CPNE8: variants seen among roughly 807,000 people sequenced by gnomAD.
CPNE8 encodes copine-8.
Under a neutral mutation model 81.5 loss-of-function variants are expected in CPNE8, and 45 were observed. The ratio of observed to expected loss-of-function variants is 0.55; its 90% CI spans 0.44 to 0.71. The LOEUF is 0.71. Ranked by LOEUF, CPNE8 falls within the 30% of genes least tolerant of loss-of-function variation. The pLI is 0.00. For missense variants in CPNE8, 594 were observed against 672.1 expected (o/e 0.88, Z 1.28); for synonymous variants, 252 against 226.3 (o/e 1.11, Z -1.02).
At chr12:38,828,985 A>C (rs1408097767) in intron 6 of CPNE8, among the ~76,000 whole-genome samples, 1 of 152,192 alleles carries the variant, frequency 6.6e-6, no homozygotes, top group Non-Finnish European at 1.5e-5. Context: ...CATGGTAAAA[A>C]TTATTATGAA....
At chr12:38,728,657 G>C (rs554100962) in intron 11 of CPNE8, among the ~76,000 whole-genome samples, 1 of 152,212 alleles carries the variant, frequency 6.6e-6, no homozygotes, top group East Asian at 1.9e-4. Flanking sequence ...TAGAATGGTA[G>C]TACCAAAAAG....
intron 5 of CPNE8, among the ~76,000 whole-genome samples, chr12:38,829,999 G>A (rs1030588620): frequency 1.3e-5 from 2 of 152,136 alleles, no homozygotes; most frequent in Non-Finnish European, 2.9e-5. Context: ...TAATGTATTA[G>A]TACCTCCTCA....
intron 6 of CPNE8, among the ~76,000 whole-genome samples, chr12:38,785,979 GGAA>G (rs1457606824): frequency 1.3e-5 from 2 of 151,328 alleles, no homozygotes; most frequent in East Asian, 1.9e-4. Flanking sequence ...TTCAACAAAT[GGAA>G]GAAGGAAGGA....
chr12:38,870,948 T>C (rs1943983790), intron 3 of CPNE8, among the ~76,000 whole-genome samples: 1 of 152,258 alleles, frequency 6.6e-6, no homozygotes, highest in East Asian at 1.9e-4. Context: ...ACATAAGGAT[T>C]ATAATATAAC....
intron 13 of CPNE8, among the ~76,000 whole-genome samples, chr12:38,703,229 T>G (rs1046114101): frequency 3.3e-5 from 5 of 152,178 alleles, no homozygotes; most frequent in Non-Finnish European, 5.9e-5. Context: ...TGCAAATAAT[T>G]ATTTTCCAGC....
rs556259050 is a variant in CPNE8 at position 38,879,635 on chromosome 12, G to A, written c.99-5124C>T. Among the ~76,000 whole-genome samples, 9 of 152,144 alleles carry A rather than the reference G, an allele frequency of 5.9e-5. No homozygotes were observed. The South Asian group carries it at 1.7e-3, about 28-fold the overall frequency. ...GCTACTCACTCTTTCCTGCTCAGCAGATAAAATCACCTAATAAATATTCTT... is the reference window on the plus strand; with the variant it reads ...GCTACTCACTCTTTCCTGCTCAGCAAATAAAATCACCTAATAAATATTCTT... On this transcript the variant is annotated intron_variant, in intron 1 of 19. Transcript: ENST00000331366.
chr12:38,884,778 G>GT (rs1039786520), intron 1 of CPNE8, among the ~76,000 whole-genome samples: 2 of 151,948 alleles, frequency 1.3e-5, no homozygotes, highest in African/African-American at 4.8e-5. Context: ...TATCAGTTTG[G>GT]TTTTTTTAAG....
At chr12:38,885,636 CT>C (rs896289642) in intron 1 of CPNE8, among the ~76,000 whole-genome samples, 75 of 149,446 alleles carry the variant, frequency 5.0e-4, no homozygotes, top group African/African-American at 1.6e-3. Context: ...CTATTTCAAT[CT>C]TTTTTTTTTA....
chr12:38,699,760 T>TTA (rs1426492786), intron 14 of CPNE8, among the ~76,000 whole-genome samples: 1 of 152,162 alleles, frequency 6.6e-6, no homozygotes, highest in Non-Finnish European at 1.5e-5. Context: ...TAAATCTGTA[T>TTA]TATATATATT....
intron 1 of CPNE8, among the ~76,000 whole-genome samples, chr12:38,882,296 G>C (rs1944171455): frequency 6.6e-6 from 1 of 152,150 alleles, no homozygotes; most frequent in East Asian, 1.9e-4. Context: ...TGGCCTTGAA[G>C]ATTAGAGTGA....
intron 17 of CPNE8, chr12:38,676,196 G>C (rs934165411): frequency 1.7e-6 from 1 of 585,474 alleles, no homozygotes; most frequent in African/African-American, 2.0e-5. Context: ...TTTTTTCACA[G>C]ATGTTCATTA....
chr12:38,793,787 T>C (rs1232795363), intron 6 of CPNE8, among the ~76,000 whole-genome samples: 2 of 151,990 alleles, frequency 1.3e-5, no homozygotes, highest in Non-Finnish European at 2.9e-5. Flanking sequence ...AACAGTAGAA[T>C]GAAATTAGAA....
At chr12:38,795,074 C>A (rs1300655404) in intron 6 of CPNE8, among the ~76,000 whole-genome samples, 1 of 152,216 alleles carries the variant, frequency 6.6e-6, no homozygotes, top group Non-Finnish European at 1.5e-5. Flanking sequence ...TGGACTTATA[C>A]CAATGGCTCT....
chr12:38,705,342 C>T (rs969731934), intron 13 of CPNE8, among the ~76,000 whole-genome samples: 2 of 152,020 alleles, frequency 1.3e-5, no homozygotes. Flanking sequence ...TCCAAATATT[C>T]GGCCTGGAAA....
rs968977674 is a variant in CPNE8 at position 38,848,600 on chromosome 12, C to T, written c.249G>A (p.Leu83=). The change falls in exon 4 of 20, where the codon CTG becomes CTA. Residue 83 remains leucine (L), a synonymous_variant. Transcript: ENST00000331366. The part of the protein sequence containing the change: ...LNPDFVRKFI[L]DYFFEERENL... The stretch of plus-strand genomic sequence containing the variant: ...TCTCTCTTTCTTCAAAAAAGTAGTC[C>T]AGAATAAACTTTCTTACAAAATCAG... 9 of 1,593,560 alleles carry T rather than the reference C, an allele frequency of 5.6e-6. No homozygotes were observed. The highest frequency in any genetic ancestry group is 1.9e-5 in the Admixed American group (1 of 53,880).
At chr12:38,742,873 A>C (rs1218211147) in intron 10 of CPNE8, among the ~76,000 whole-genome samples, 1 of 151,854 alleles carries the variant, frequency 6.6e-6, no homozygotes, top group Admixed American at 6.6e-5. Context: ...TACAAGCAAA[A>C]CCAGCAATAT....
At chr12:38,782,599 A>T (rs2136907465) in intron 6 of CPNE8, among the ~76,000 whole-genome samples, 1 of 152,306 alleles carries the variant, frequency 6.6e-6, no homozygotes, top group African/African-American at 2.4e-5. Context: ...AGAATGAGAA[A>T]GAGGGTAAGA....
chr12:38,740,779 A>G (rs7968014), intron 10 of CPNE8, among the ~76,000 whole-genome samples: 122,665 of 152,130 alleles, frequency 0.81, 52,434 homozygotes, highest in Middle Eastern at 0.97. Flanking sequence ...ATGTGCTGCT[A>G]GATTTGGTTT....
At chr12:38,870,832 T>A (rs1325273080) in intron 3 of CPNE8, among the ~76,000 whole-genome samples, 1 of 151,014 alleles carries the variant, frequency 6.6e-6, no homozygotes, top group African/African-American at 2.4e-5. Flanking sequence ...AAATAAAAAT[T>A]TAAATAATTT....
Sources: gnomAD v4.1 joint callset for allele counts (sites outside exome capture counted in the v4.1 genomes callset) on GRCh38, gnomAD v4.1.1 for gene constraint, MANE v1.5 for transcripts, NCBI Gene and HGNC (gene_info 2026-07-23, HGNC 2026-07-21) for gene names.